SPESP1: variants seen among roughly 807,000 people sequenced by gnomAD.
The protein encoded by SPESP1 is equatorial segment protein.
SPESP1 carries 1 observed loss-of-function variant against 3.1 expected under a neutral mutation model. The observed-to-expected ratio is 0.33, with a 90% CI of 0.12 to 1.54. The LOEUF is 1.54. Ranked by LOEUF, SPESP1 falls within the 40% of genes most tolerant of loss-of-function variation. The probability of loss-of-function intolerance (pLI) is 0.38; values close to 1 mark genes in which losing one functional copy is unlikely to be tolerated. For synonymous variants in SPESP1, 138 were observed against 150.7 expected, an observed-to-expected ratio of 0.92 and a Z score of 0.62; for missense variants, 398 against 410.1, an observed-to-expected ratio of 0.97 and a Z score of 0.26.
intron 1 of SPESP1, among the ~76,000 whole-genome samples, chr15:68,940,442 A>G (rs1895788892): frequency 1.3e-5 from 2 of 152,196 alleles, no homozygotes; most frequent in African/African-American, 4.8e-5. Flanking sequence ...AATATTATCA[A>G]ATATCTGGTT....
At chr15:68,941,151 A>G (rs1895812433) in intron 1 of SPESP1, among the ~76,000 whole-genome samples, 2 of 152,058 alleles carry the variant, frequency 1.3e-5, no homozygotes, top group Admixed American at 6.6e-5. Flanking sequence ...AAACTTTATA[A>G]TAAAATTTTC....
intron 1 of SPESP1, among the ~76,000 whole-genome samples, chr15:68,942,720 G>A (rs184352282): frequency 3.3e-5 from 5 of 152,130 alleles, no homozygotes; most frequent in African/African-American, 1.2e-4. Context: ...TAATTTATTT[G>A]GTTCAGTGAG....
chr15:68,933,758 C>G (rs1005397252), intron 1 of SPESP1, among the ~76,000 whole-genome samples: 1 of 151,500 alleles, frequency 6.6e-6, no homozygotes, highest in Admixed American at 6.6e-5. Flanking sequence ...ATTCGGGAGG[C>G]TGAGGTGGGA....
Position 68,930,714 on chromosome 15 carries a change from C to G in SPESP1, c.61C>G (p.Pro21Ala). ...ATGGCCTTCGTCTGTGCCGGCTTATCCGAGTGAGTGACGGGCCTGAGGAGG... is the reference window on the plus strand; with the variant it reads ...ATGGCCTTCGTCTGTGCCGGCTTATGCGAGTGAGTGACGGGCCTGAGGAGG... ...LLWPSSVPAYPSITVTPDEEQ... is the reference protein window; with the variant it reads ...LLWPSSVPAYASITVTPDEEQ... The change falls in exon 1 of 2, where the codon CCG (proline) becomes GCG (alanine). Residue 21 changes from proline to alanine, a missense_variant. Transcript: ENST00000310673. The G allele has an allele frequency of 6.2e-7, 1 of 1,613,994 alleles. No individual in the cohort carries two copies. Among genetic ancestry groups the G allele is most frequent in the African/African-American group, 1.3e-5 (1 of 75,056 alleles).
Position 68,946,486 on chromosome 15 carries a change from T to A in SPESP1, c.952T>A (p.Cys318Ser). ...SKLYEYLDIK[C>S]VPPEMREKAA... ...ACTCTATGAATATTTAGATATTAAA[T>A]GTGTTCCACCAGAGATGAGAGAAAA... is the stretch of plus-strand genomic sequence containing the variant. Residue 318 changes from cysteine (C) to serine (S), a missense_variant, in exon 2 of 2, where the codon TGT becomes AGT. Physicochemically the swap from Cys to Ser is moderately radical, Grantham distance 112 (BLOSUM62 -1). Coordinates refer to ENST00000310673, the MANE Select transcript of SPESP1 (RefSeq NM_145658.4). 1 of 1,613,382 alleles carries A rather than the reference T, an allele frequency of 6.2e-7. No individual in the cohort carries two copies.
chr15:68,941,502 G>A (rs993110134), intron 1 of SPESP1, among the ~76,000 whole-genome samples: 3 of 152,114 alleles, frequency 2.0e-5, no homozygotes, highest in Admixed American at 6.6e-5. Flanking sequence ...GGAAAAATAC[G>A]CTCCTTGCGT....
Position 68,930,578 on chromosome 15 carries a change from C to T in SPESP1, c.-76C>T. On this transcript the variant is annotated 5_prime_UTR_variant, in exon 1 of 2. Transcript: ENST00000310673. ...GGACGGTACTCCGCTGACACCTTCC[C>T]TTTCGGCCTTGAGGTTCCCAGCCTG... is the stretch of plus-strand genomic sequence containing the variant. The T allele has an allele frequency of 1.9e-6, 3 of 1,597,304 alleles. No individual in the cohort carries two copies. Among genetic ancestry groups the T allele is most frequent in the East Asian group, 2.2e-5 (1 of 44,558 alleles).
At chr15:68,934,711 A>G (rs1895639840) in intron 1 of SPESP1, among the ~76,000 whole-genome samples, 1 of 152,222 alleles carries the variant, frequency 6.6e-6, no homozygotes, top group African/African-American at 2.4e-5. Context: ...ATTAAACTTA[A>G]GCAACATTTT....
chr15:68,932,319 C>T (rs1386812626), intron 1 of SPESP1, among the ~76,000 whole-genome samples: 2 of 152,196 alleles, frequency 1.3e-5, no homozygotes, highest in Non-Finnish European at 2.9e-5. Flanking sequence ...AGTCCCTGGA[C>T]ACCCACTTAA....
intron 1 of SPESP1, among the ~76,000 whole-genome samples, chr15:68,941,054 G>A (rs1391035739): frequency 6.6e-6 from 1 of 151,808 alleles, no homozygotes; most frequent in Non-Finnish European, 1.5e-5. Context: ...CATAATAGAG[G>A]CTTTATAATA....
Position 68,942,277 on chromosome 15 carries a change from T to G in SPESP1, c.65-3322T>G, listed in dbSNP as rs533741617. Reference sequence around the variant, plus strand: ...ATATATTCATTTTGGTATATTGATTTTTATGACTTGCTATTTATGAAATTC... The same window carrying G: ...ATATATTCATTTTGGTATATTGATTGTTATGACTTGCTATTTATGAAATTC... On this transcript the variant is annotated intron_variant, in intron 1 of 1. Transcript: ENST00000310673. 2.6e-5 allele frequency among the ~76,000 whole-genome samples: 4 copies of G among 152,280 alleles called. No individual in the cohort carries two copies. The East Asian group carries it at 7.7e-4, about 29-fold the overall frequency.
At chr15:68,930,872 C>T (rs1190276208) in intron 1 of SPESP1, among the ~76,000 whole-genome samples, 155 bp downstream of exon 1, 2 of 152,082 alleles carry the variant, frequency 1.3e-5, no homozygotes, top group Non-Finnish European at 2.9e-5. Context: ...GAGGGGTGTC[C>T]CTCTCCTCTC....
chr15:68,930,735 G>A lies in SPESP1; in HGVS notation c.64+18G>A, dbSNP rs750055178. On this transcript the variant is annotated intron_variant, in intron 1 of 1. Coordinates refer to ENST00000310673, the MANE Select transcript of SPESP1 (RefSeq NM_145658.4). ...TTATCCGAGTGAGTGACGGGCCTGA[G>A]GAGGCAGCGGACCGGGGACACCCTG... 2.5e-6 allele frequency: 4 copies of A among 1,613,638 alleles called. No individual in the cohort carries two copies. The East Asian group carries it at 8.9e-5, about 36-fold the overall frequency.
At chr15:68,936,525 A>G (rs887380122) in intron 1 of SPESP1, among the ~76,000 whole-genome samples, 2 of 152,242 alleles carry the variant, frequency 1.3e-5, no homozygotes, top group Non-Finnish European at 1.5e-5. Context: ...GCGTAGCTAC[A>G]GAAAGTAGAT....
At position 68,946,634 on chromosome 15, in the gene SPESP1, C is replaced by G; in HGVS notation, c.*47C>G. 1 of 1,361,898 alleles carries G rather than the reference C, an allele frequency of 7.3e-7. No homozygotes were observed. The highest frequency in any genetic ancestry group is 9.4e-7 in the Non-Finnish European group (1 of 1,058,710). 84.4% of individuals were successfully genotyped at this position (1,361,898 alleles called of 1,614,324 possible). On this transcript the variant is annotated 3_prime_UTR_variant, in exon 2 of 2. Transcript: ENST00000310673. ...ACCTACTTGATATTCCATAACAAAG[C>G]TGATTTAAGCAAACTGCATTTTTTC...
chr15:68,938,390 A>G (rs974869020), intron 1 of SPESP1, among the ~76,000 whole-genome samples: 1 of 152,084 alleles, frequency 6.6e-6, no homozygotes, highest in Non-Finnish European at 1.5e-5. Context: ...TTTGTAAGTC[A>G]TTGATTGTCA....
chr15:68,930,841 C>T (rs1163758621), intron 1 of SPESP1, 124 bp downstream of exon 1: 2 of 1,476,770 alleles, frequency 1.4e-6, no homozygotes. Flanking sequence ...CCCCACTGTC[C>T]GGGGTCCTGG....
At chr15:68,938,019 C>A (rs556551205) in intron 1 of SPESP1, among the ~76,000 whole-genome samples, 2 of 152,130 alleles carry the variant, frequency 1.3e-5, no homozygotes, top group South Asian at 4.2e-4. Flanking sequence ...TCACTCTTGT[C>A]CCCCAGGCTG....
rs72752353 is a variant in SPESP1 at position 68,945,139 on chromosome 15, A to T, written c.65-460A>T. Among the ~76,000 whole-genome samples the T allele has an allele frequency of 4.0e-3, 604 of 152,306 alleles. 1 individual carries two copies. Among genetic ancestry groups the T allele is most frequent in the Non-Finnish European group, 5.9e-3 (401 of 68,022 alleles). On this transcript the variant is annotated intron_variant, in intron 1 of 1. Coordinates refer to ENST00000310673, the MANE Select transcript of SPESP1 (RefSeq NM_145658.4). The stretch of plus-strand genomic sequence containing the variant: ...ATTACCTTTGCTTTTAATATAATTT[A>T]TTTGATTGTAAATGTAGATAAGTTA...
Sources: allele counts gnomAD v4.1 joint callset (sites outside exome capture counted in the v4.1 genomes callset), GRCh38; gene constraint gnomAD v4.1.1; transcripts MANE v1.5; gene names NCBI Gene and HGNC (gene_info 2026-07-23, HGNC 2026-07-21).